UBXN2B: variants seen among roughly 807,000 people sequenced by gnomAD.
UBXN2B encodes the protein UBX domain-containing protein 2B.
In UBXN2B, 19 loss-of-function variants were observed where a neutral mutation model predicts 37.5. That is an observed-to-expected ratio of 0.51 (90% CI 0.35 to 0.74). The LOEUF (loss-of-function observed/expected upper bound fraction) is 0.74. Ranked by LOEUF, UBXN2B falls within the 30% of genes least tolerant of loss-of-function variation. The pLI is 0.01. For missense variants in UBXN2B, 370 were observed against 393.2 expected, an observed-to-expected ratio of 0.94 and a Z score of 0.50; for synonymous variants, 145 against 143.8, an observed-to-expected ratio of 1.01 and a Z score of -0.06.
intron 6 of UBXN2B, among the ~76,000 whole-genome samples, chr8:58,445,062 A>G (rs766266743): frequency 1.7e-4 from 26 of 152,224 alleles, no homozygotes; most frequent in Non-Finnish European, 2.9e-4. Context: ...AAAAAACTTC[A>G]AGACTATCAA....
chr8:58,434,169 C>T (rs912889156), intron 4 of UBXN2B, among the ~76,000 whole-genome samples: 2 of 152,104 alleles, frequency 1.3e-5, no homozygotes, highest in Non-Finnish European at 2.9e-5. Flanking sequence ...CAGCCATTGT[C>T]AGTTTGTTAA....
chr8:58,416,335 T>C (rs1412273465), intron 1 of UBXN2B, among the ~76,000 whole-genome samples: 2 of 152,232 alleles, frequency 1.3e-5, no homozygotes, highest in East Asian at 3.9e-4. Context: ...ATATAATTTA[T>C]GGTCTTGTTT....
rs751470220 is a variant in UBXN2B, at chr8:58,433,187, G to C, written c.367G>C (p.Gly123Arg). 1 of 1,612,982 alleles carries C rather than the reference G, an allele frequency of 6.2e-7. No homozygotes were observed. The highest frequency in any genetic ancestry group is 1.3e-5 in the African/African-American group (1 of 74,992). The change falls in exon 4 of 8, where the codon GGT becomes CGT. Residue 123 changes from glycine to arginine, a missense_variant. Physicochemically the swap from Gly to Arg is moderately radical, Grantham distance 125 (BLOSUM62 -2). Coordinates refer to ENST00000399598, the MANE Select transcript of UBXN2B (RefSeq NM_001077619.2). Reference sequence around the variant, plus strand: ...ATTTACAGGTGGAGGATACAGATTGGGTAGTTCTTTTTGTAAGCGGTCTGA... The same window carrying C: ...ATTTACAGGTGGAGGATACAGATTGCGTAGTTCTTTTTGTAAGCGGTCTGA... The part of the protein sequence containing the change: ...KSFTGGGYRL[G>R]SSFCKRSEYI...
At chr8:58,427,297 C>A (rs1269523018) in intron 2 of UBXN2B, among the ~76,000 whole-genome samples, 3 of 152,060 alleles carry the variant, frequency 2.0e-5, no homozygotes, top group African/African-American at 7.2e-5. Context: ...GGGCTTAAAC[C>A]CCATCTCTAC....
At chr8:58,416,248 T>C (rs1000176613) in intron 1 of UBXN2B, among the ~76,000 whole-genome samples, 16 of 152,094 alleles carry the variant, frequency 1.1e-4, no homozygotes, top group Non-Finnish European at 2.2e-4. Flanking sequence ...TTTTATTTCA[T>C]TTTGAAATAA....
At chr8:58,427,904 A>T (rs1289074892) in intron 2 of UBXN2B, among the ~76,000 whole-genome samples, 1 of 152,212 alleles carries the variant, frequency 6.6e-6, no homozygotes, top group Non-Finnish European at 1.5e-5. Flanking sequence ...GAGGAGGAGG[A>T]AGAAAACTCA....
chr8:58,425,311 A>G, intron 2 of UBXN2B: 2 of 1,159,990 alleles, frequency 1.7e-6, no homozygotes, highest in Middle Eastern at 1.9e-4. Flanking sequence ...CGTTGTCATG[A>G]CAATCACTCA....
chr8:58,429,288 T>C (rs1808187236), intron 2 of UBXN2B, among the ~76,000 whole-genome samples: 1 of 152,082 alleles, frequency 6.6e-6, no homozygotes, highest in South Asian at 2.1e-4. Context: ...TTGCTTTGCT[T>C]TTCTGTGTTT....
chr8:58,434,367 A>ATTT (rs781776995), intron 4 of UBXN2B, 28 bp from the exon 5 acceptor site: 67 of 443,596 alleles, frequency 1.5e-4, no homozygotes, highest in African/African-American at 1.1e-3. Flanking sequence ...ATATATATAT[A>ATTT]TATTTTTTTT....
At chr8:58,422,138 C>T (rs1807944070) in intron 2 of UBXN2B, among the ~76,000 whole-genome samples, 1 of 152,172 alleles carries the variant, frequency 6.6e-6, no homozygotes, top group South Asian at 2.1e-4. Context: ...GAATCTTTTT[C>T]TTTACAAGTT....
At position 58,430,113 on chromosome 8, in the gene UBXN2B, G is replaced by A. The variant is rs112251930; in HGVS notation, c.189-406G>A. On this transcript the variant is annotated intron_variant, in intron 2 of 7. Transcript: ENST00000399598. ...TATACTGTCTAAATCTAAAGATCTC[G>A]TCACTAACTAGGTCTCTACTGAGTG... 2.5e-3 allele frequency among the ~76,000 whole-genome samples: 382 copies of A among 152,256 alleles called. 3 individuals are homozygous for A. The highest frequency in any genetic ancestry group is 8.8e-3 in the African/African-American group (365 of 41,564).
At chr8:58,420,024 A>G (rs1807886039) in intron 2 of UBXN2B, among the ~76,000 whole-genome samples, 1 of 152,228 alleles carries the variant, frequency 6.6e-6, no homozygotes, top group South Asian at 2.1e-4. Context: ...AGCCTTGAAG[A>G]CCAAGAAGAT....
intron 2 of UBXN2B, among the ~76,000 whole-genome samples, chr8:58,421,540 G>T (rs141099399): frequency 2.9e-3 from 436 of 152,208 alleles, no homozygotes; most frequent in African/African-American, 9.5e-3. Flanking sequence ...CCATGTATTT[G>T]TCATACCAAC....
At position 58,449,962 on chromosome 8, in the gene UBXN2B, C is replaced by T. The variant is rs1808768291; in HGVS notation, c.*2411C>T. On this transcript the variant is annotated 3_prime_UTR_variant, in exon 8 of 8. Coordinates refer to ENST00000399598, the MANE Select transcript of UBXN2B (RefSeq NM_001077619.2). ...GATAGGAGGCTCCTCACGTATCTTT[C>T]CTGGAAAATCCTGTCTCTGTTTTTG... 1 of 152,224 alleles carries T rather than the reference C, an allele frequency of 6.6e-6. No homozygotes were observed. Among genetic ancestry groups the T allele is most frequent in the Non-Finnish European group, 1.5e-5 (1 of 68,048 alleles). 9.4% of individuals were successfully genotyped at this position (152,224 alleles called of 1,614,324 possible). A position where few individuals can be genotyped will look rare whatever the true frequency, so the allele number is the denominator to read the frequency against.
intron 2 of UBXN2B, chr8:58,426,074 A>G (rs1808075693): frequency 7.2e-7 from 1 of 1,390,152 alleles, no homozygotes; most frequent in Admixed American, 1.7e-5. Flanking sequence ...AGGATATTTA[A>G]GCTCAATAAC....
At chr8:58,413,876 C>G (rs962041469) in intron 1 of UBXN2B, among the ~76,000 whole-genome samples, 4 of 152,172 alleles carry the variant, frequency 2.6e-5, no homozygotes, top group African/African-American at 9.7e-5. Flanking sequence ...AAACTAAGCC[C>G]AAAACCTCAC....
chr8:58,426,807 G>A (rs1402729128), intron 2 of UBXN2B: 6 of 592,904 alleles, frequency 1.0e-5, no homozygotes, highest in East Asian at 6.8e-5. Flanking sequence ...GGAGCCAGCC[G>A]ACTGTGCACA....
chr8:58,439,811 G>A (rs1446111468), intron 6 of UBXN2B, 41 bp downstream of exon 6: 8 of 1,555,668 alleles, frequency 5.1e-6, no homozygotes, highest in Non-Finnish European at 6.0e-6. Flanking sequence ...TGTTGAACAT[G>A]AATTTTTCTT....
rs1451590206 is a variant in UBXN2B, at chr8:58,449,029, CCTT to C, written c.*1483_*1485del. ...ATCCTCATTCCTTGGCTTGTGACCT[CCTT>C]CTTCCATCTTAAAAACCAGTGCTGT... is the stretch of plus-strand genomic sequence containing the variant. On this transcript the variant is annotated 3_prime_UTR_variant, in exon 8 of 8. Transcript: ENST00000399598. 2.0e-5 allele frequency: 3 copies of C among 152,240 alleles called. No individual in the cohort carries two copies. The highest frequency in any genetic ancestry group is 7.2e-5 in the African/African-American group (3 of 41,436). 9.4% of individuals were successfully genotyped at this position (152,240 alleles called of 1,614,324 possible).
Sources: allele counts gnomAD v4.1 joint callset (sites outside exome capture counted in the v4.1 genomes callset), GRCh38; gene constraint gnomAD v4.1.1; transcripts MANE v1.5; gene names NCBI Gene and HGNC (gene_info 2026-07-23, HGNC 2026-07-21).